The following ACADS variants were observed in gnomAD, a reference collection of about 807,000 sequenced individuals.
ACADS encodes the protein short-chain specific acyl-CoA dehydrogenase, mitochondrial.
In ACADS, 28 loss-of-function variants were observed where a neutral mutation model predicts 46.8. The ratio of observed to expected loss-of-function variants is 0.60; its 90% CI spans 0.44 to 0.82. The LOEUF is 0.82. Among genes scored for constraint, ACADS ranks in the 40% least tolerant of loss-of-function variants. The pLI is 0.00. For missense variants in ACADS, 528 were observed against 578.0 expected, an observed-to-expected ratio of 0.91 and a Z score of 0.89; for synonymous variants, 236 against 237.7, an observed-to-expected ratio of 0.99 and a Z score of 0.07.
intron 2 of ACADS, among the ~76,000 whole-genome samples, chr12:120,727,843 G>C (rs1249580264): frequency 1.3e-5 from 2 of 151,896 alleles, no homozygotes; most frequent in East Asian, 3.9e-4. Flanking sequence ...GCCAAAGGTA[G>C]TATTATTATA....
In ACADS at chr12:120,739,280, A is replaced by G; in HGVS notation, c.1087-16A>G. On this transcript the variant is annotated splice_polypyrimidine_tract_variant and intron_variant, in intron 9 of 9. Transcript: ENST00000242592. ...GCCGGGGTCTTCTCCCTCCTGAGCC[A>G]CTGTTCTCATCTCAGGCCATCCAGA... 1.9e-6 allele frequency: 3 copies of G among 1,612,984 alleles called. No individual in the cohort carries two copies. Among genetic ancestry groups the G allele is most frequent in the Non-Finnish European group, 2.5e-6 (3 of 1,179,966 alleles).
rs1883568963 is a variant in ACADS at position 120,739,169 on chromosome 12, G to A, written c.1059G>A (p.Ser353=). ...KEAAMAKLAA[S]EAATAISHQA... ...CAGCCATGGCCAAGCTGGCCGCCTC[G>A]GAGGCCGCGACCGCCATCAGCCACC... The change falls in exon 9 of 10, where the codon TCG becomes TCA. Residue 353 remains serine, a synonymous_variant. Transcript: ENST00000242592. 4 of 1,612,928 alleles carry A rather than the reference G, an allele frequency of 2.5e-6. No homozygotes were observed. The highest frequency in any genetic ancestry group is 2.2e-5 in the South Asian group (2 of 91,088).
chr12:120,734,812 C>T lies in ACADS; in HGVS notation c.211-2174C>T, dbSNP rs557419494. Among the ~76,000 whole-genome samples, 11 of 147,478 alleles carry T rather than the reference C, an allele frequency of 7.5e-5. No individual in the cohort carries two copies. The East Asian group carries it at 2.0e-3, about 27-fold the overall frequency. On this transcript the variant is annotated intron_variant, in intron 2 of 9. Coordinates refer to ENST00000242592, the MANE Select transcript of ACADS (RefSeq NM_000017.4). Reference sequence around the variant, plus strand: ...TGTCGCCCAGACTGGAGTGCAGTGGCGTGCTCTCGGTTCACTGCAACCTCT... The same window carrying T: ...TGTCGCCCAGACTGGAGTGCAGTGGTGTGCTCTCGGTTCACTGCAACCTCT...
At chr12:120,727,725 G>A (rs774503307) in intron 2 of ACADS, among the ~76,000 whole-genome samples, 6 of 152,078 alleles carry the variant, frequency 3.9e-5, no homozygotes, top group East Asian at 1.9e-4. Context: ...TAGTAAAGAC[G>A]GCGTTTCACC....
Position 120,738,930 on chromosome 12 carries a change from C to T in ACADS, c.1029+15C>T, listed in dbSNP as rs1385967168. ...CTTTCATCAAGGTGCCCACAGGGGTCCCCGAGCCATGGCCCAGAATGTGGT... is the reference window on the plus strand; with the variant it reads ...CTTTCATCAAGGTGCCCACAGGGGTTCCCGAGCCATGGCCCAGAATGTGGT... On this transcript the variant is annotated intron_variant, in intron 8 of 9. Transcript: ENST00000242592. The T allele has an allele frequency of 6.2e-7, 1 of 1,613,074 alleles. No homozygotes were observed. Among genetic ancestry groups the T allele is most frequent in the Non-Finnish European group, 8.5e-7 (1 of 1,179,828 alleles).
intron 1 of ACADS, among the ~76,000 whole-genome samples, chr12:120,726,509 C>A (rs1883089141): frequency 6.6e-6 from 1 of 152,182 alleles, no homozygotes; most frequent in Non-Finnish European, 1.5e-5. Context: ...CTTTGCCTGG[C>A]CTGAATTACA....
intron 2 of ACADS, among the ~76,000 whole-genome samples, chr12:120,735,286 A>G (rs1463914120): frequency 1.9e-4 from 27 of 144,102 alleles, no homozygotes; most frequent in Non-Finnish European, 3.1e-4. Flanking sequence ...AAAAAAAAAA[A>G]AAAGAAAAAA....
At chr12:120,735,058 G>C (rs1883381759) in intron 2 of ACADS, among the ~76,000 whole-genome samples, 1 of 145,976 alleles carries the variant, frequency 6.9e-6, no homozygotes. Context: ...CATCACTTCA[G>C]GTCAGAAGTT....
intron 2 of ACADS, among the ~76,000 whole-genome samples, chr12:120,730,328 C>T (rs1315607310): frequency 6.6e-6 from 1 of 152,152 alleles, no homozygotes; most frequent in East Asian, 1.9e-4. Context: ...GGAGGGAAGA[C>T]AGGAGCTGGG....
rs150507331 is a variant in ACADS, at chr12:120,737,024, C to T, written c.249C>T (p.Asp83=). The change falls in exon 3 of 10, where the codon GAC becomes GAT. Residue 83 remains aspartate, a synonymous_variant. Coordinates refer to ENST00000242592, the MANE Select transcript of ACADS (RefSeq NM_000017.4). The part of the protein sequence containing the change: ...KMGGLGLLAM[D]VPEELGGAGL... Reference sequence around the variant, plus strand: ...GCGGGCTTGGGCTTCTGGCCATGGACGTGCCCGAGGAGCTTGGCGGTGCTG... The same window carrying T: ...GCGGGCTTGGGCTTCTGGCCATGGATGTGCCCGAGGAGCTTGGCGGTGCTG... The T allele has an allele frequency of 1.4e-4, 226 of 1,610,790 alleles. No homozygotes were observed. The highest frequency in any genetic ancestry group is 1.9e-4 in the African/African-American group (14 of 75,024).
In ACADS at chr12:120,738,626, C is replaced by T. The variant is rs747512252; in HGVS notation, c.889C>T (p.Arg297Cys). 7.4e-6 allele frequency: 12 copies of T among 1,613,154 alleles called. No individual in the cohort carries two copies. Among genetic ancestry groups the T allele is most frequent in the Middle Eastern group, 1.6e-4 (1 of 6,084 alleles). The change falls in exon 7 of 10, where the codon CGC (arginine) becomes TGC (cysteine). Residue 297 changes from arginine (R) to cysteine (C), a missense_variant. By Grantham distance (180) the Arg-to-Cys change is radical. Coordinates refer to ENST00000242592, the MANE Select transcript of ACADS (RefSeq NM_000017.4). Reference protein sequence around the residue: ...LDCAVNYAENRMAFGAPLTKL... With the variant: ...LDCAVNYAENCMAFGAPLTKL... Reference sequence around the variant, plus strand: ...TTGTGCTGTGAACTACGCTGAGAATCGCATGGCCTTCGGGGCGCCCCTCAC... The same window carrying T: ...TTGTGCTGTGAACTACGCTGAGAATTGCATGGCCTTCGGGGCGCCCCTCAC...
Position 120,728,029 on chromosome 12 carries a change from C to T in ACADS, c.210+840C>T. Among the ~76,000 whole-genome samples, 1 of 151,968 alleles carries T rather than the reference C, an allele frequency of 6.6e-6. No individual in the cohort carries two copies. The highest frequency in any genetic ancestry group is 1.9e-4 in the East Asian group (1 of 5,170). On this transcript the variant is annotated intron_variant, in intron 2 of 9. Coordinates refer to ENST00000242592, the MANE Select transcript of ACADS (RefSeq NM_000017.4). The surrounding 1 kb of genome is among the most constrained non-coding windows in gnomAD (Gnocchi z 4.0). ...GTGGCGCAATCTCAACGCACTGCAC[C>T]CCTCTGCCTCCTGGGTTCAAGCAAT...
chr12:120,726,623 C>T (rs112786039), intron 1 of ACADS, among the ~76,000 whole-genome samples: 2 of 152,228 alleles, frequency 1.3e-5, no homozygotes, highest in Admixed American at 6.5e-5. Flanking sequence ...AACGGAGGCT[C>T]ACTGACGTTT....
At chr12:120,735,995 ATCCCTGTCCCCGTCCCTG>A (rs201057576) in intron 2 of ACADS, among the ~76,000 whole-genome samples, 3,911 of 151,582 alleles carry the variant, frequency 0.026, 163 homozygotes, top group African/African-American at 0.089. Flanking sequence ...TCCCGTCCCC[ATCCCTGTCCCCGTCCCTG>A]TCCCTGTCCC....
chr12:120,736,096 C>A (rs562266100), intron 2 of ACADS, among the ~76,000 whole-genome samples: 3 of 152,108 alleles, frequency 2.0e-5, no homozygotes, highest in African/African-American at 7.2e-5. Context: ...TAGGTAGATT[C>A]TGTGGTCCAC....
At chr12:120,738,714 C>A in intron 7 of ACADS, 44 bp downstream of exon 7, 1 of 1,609,074 alleles carries the variant, frequency 6.2e-7, no homozygotes, top group Non-Finnish European at 8.5e-7. Context: ...GGCTGGACAG[C>A]GGGCGGAGAG....
rs1883540644 is a variant in ACADS at position 120,738,579 on chromosome 12, GC to G, written c.843del (p.Ile282LeufsTer10). On this transcript the variant is annotated frameshift_variant, in exon 7 of 10. Transcript: ENST00000242592. LOFTEE classifies it high-confidence loss of function. Reference protein sequence around the residue: ...GRIGIASQALGIAQTALDCAV... With the variant: ...GRIGIASQALXIAQTALDCAV... ...ATCGGCATCGCCTCCCAGGCCCTGG[GC>G]ATTGCCCAGACCGCCCTCGATTGTG... 1 of 1,612,606 alleles carries G rather than the reference GC, an allele frequency of 6.2e-7. No individual in the cohort carries two copies. Among genetic ancestry groups the G allele is most frequent in the Non-Finnish European group, 8.5e-7 (1 of 1,180,016 alleles).
chr12:120,738,111 C>G (rs751038516), intron 5 of ACADS, 123 bp downstream of exon 5: 30 of 1,570,210 alleles, frequency 1.9e-5, no homozygotes, highest in Non-Finnish European at 2.3e-5. Flanking sequence ...CTGTCCCTGT[C>G]CCTCCTCAGC....
chr12:120,725,941 C>T lies in ACADS; in HGVS notation c.46+10C>T, dbSNP rs1226897813. On this transcript the variant is annotated intron_variant, in intron 1 of 9. Coordinates refer to ENST00000242592, the MANE Select transcript of ACADS (RefSeq NM_000017.4). ...GGCCCTGCCCGCAGAGGTGAGTGCG[C>T]TGGGGATCCGTACGGCGGGGCTTCA... 6.5e-7 allele frequency: 1 copy of T among 1,543,144 alleles called. No homozygotes were observed. Among genetic ancestry groups the T allele is most frequent in the Admixed American group, 1.9e-5 (1 of 52,204 alleles).
Sources: allele counts gnomAD v4.1 joint callset (sites outside exome capture counted in the v4.1 genomes callset), GRCh38; gene constraint gnomAD v4.1.1; non-coding constraint Gnocchi (gnomAD v3.1); transcripts MANE v1.5; gene names NCBI Gene and HGNC (gene_info 2026-07-23, HGNC 2026-07-21).